The following TRPM3 variants were observed in gnomAD, a reference collection of about 807,000 sequenced individuals.
TRPM3 encodes long transient receptor potential channel 3.
In TRPM3, 77 loss-of-function variants were observed where a neutral mutation model predicts 181.2. The observed-to-expected ratio is 0.42, with a 90% CI of 0.35 to 0.51. The LOEUF is 0.51. Ranked by LOEUF, TRPM3 falls within the 20% of genes least tolerant of loss-of-function variation. The pLI is 0.01. For missense variants in TRPM3, 1,759 were observed against 2,196.7 expected (o/e 0.80, Z 3.98); for synonymous variants, 745 against 796.4 (o/e 0.94, Z 1.09).
intron 1 of TRPM3, among the ~76,000 whole-genome samples, chr9:71,048,680 G>T (rs1199022140): frequency 6.6e-6 from 1 of 152,122 alleles, no homozygotes; most frequent in Non-Finnish European, 1.5e-5. Flanking sequence ...TGTTTGATGT[G>T]CTGGTTAGAG....
chr9:71,092,486 TTTTC>T lies in TRPM3; in HGVS notation c.177+28688_177+28691del, dbSNP rs2066397427. On this transcript the variant is annotated intron_variant, in intron 1 of 25. Coordinates refer to ENST00000677713, the MANE Select transcript of TRPM3 (RefSeq NM_001366145.2). Reference sequence around the variant, plus strand: ...TACTAAGCATAGATTTTTTTTTAGCTTTTCTTTCTTAATACTTAATAAATTGTAA... The same window carrying T: ...TACTAAGCATAGATTTTTTTTTAGCTTTTCTTAATACTTAATAAATTGTAA... 2.0e-5 allele frequency among the ~76,000 whole-genome samples: 3 copies of T among 152,298 alleles called. No individual in the cohort carries two copies. The South Asian group carries it at 6.2e-4, about 32-fold the overall frequency.
chr9:71,416,837 T>G (rs942545608), intron 1 of TRPM3, among the ~76,000 whole-genome samples: 1 of 151,956 alleles, frequency 6.6e-6, no homozygotes, highest in African/African-American at 2.4e-5. Context: ...TCTTCCCAAT[T>G]TAAGGGGAGC....
At chr9:70,907,714 C>T (rs576085529) in intron 1 of TRPM3, among the ~76,000 whole-genome samples, 1 of 152,158 alleles carries the variant, frequency 6.6e-6, no homozygotes, top group Non-Finnish European at 1.5e-5. Context: ...CTTTATCCCC[C>T]CTTTTCAGGA....
chr9:70,810,331 C>G (rs2091765187), intron 6 of TRPM3, among the ~76,000 whole-genome samples: 1 of 150,092 alleles, frequency 6.7e-6, no homozygotes, highest in Non-Finnish European at 1.5e-5. Flanking sequence ...CAACCCCACC[C>G]TCCTCTCCAT....
chr9:71,078,536 T>C (rs1477928311), intron 1 of TRPM3, among the ~76,000 whole-genome samples: 1 of 152,194 alleles, frequency 6.6e-6, no homozygotes, highest in Non-Finnish European at 1.5e-5. Context: ...ATGGCCTGTA[T>C]TACTTCTTCA....
intron 22 of TRPM3, among the ~76,000 whole-genome samples, chr9:70,573,063 G>A (rs1415738016): frequency 1.3e-5 from 2 of 152,054 alleles, no homozygotes; most frequent in African/African-American, 4.8e-5. Context: ...TTAAATAAAC[G>A]AGAAATTAAA....
chr9:70,673,763 C>G (rs2063425701), intron 9 of TRPM3, among the ~76,000 whole-genome samples: 1 of 151,788 alleles, frequency 6.6e-6, no homozygotes, highest in Non-Finnish European at 1.5e-5. Context: ...CCCATCTCTA[C>G]TGAAAATACA....
intron 1 of TRPM3, among the ~76,000 whole-genome samples, chr9:71,198,282 G>T (rs1436391721): frequency 6.6e-6 from 1 of 151,996 alleles, no homozygotes; most frequent in African/African-American, 2.4e-5. Flanking sequence ...TAGCCTTGTA[G>T]TATAGTTTGA....
intron 1 of TRPM3, among the ~76,000 whole-genome samples, chr9:70,979,046 G>A (rs2097336080): frequency 6.6e-6 from 1 of 152,164 alleles, no homozygotes. Flanking sequence ...TCTAGGGCAG[G>A]AACTAATTTT....
intron 7 of TRPM3, among the ~76,000 whole-genome samples, chr9:70,779,001 T>C (rs1434150809): frequency 6.6e-6 from 1 of 152,182 alleles, no homozygotes; most frequent in Non-Finnish European, 1.5e-5. Context: ...TATAGTTACA[T>C]AATTTGAAGC....
At chr9:71,322,244 A>C (rs912593164) in intron 1 of TRPM3, among the ~76,000 whole-genome samples, 2 of 152,106 alleles carry the variant, frequency 1.3e-5, no homozygotes, top group African/African-American at 4.8e-5. Context: ...TTAACTCCCT[A>C]AAGATTTTAG....
intron 1 of TRPM3, among the ~76,000 whole-genome samples, chr9:71,401,982 T>C (rs765510858): frequency 6.6e-6 from 1 of 152,202 alleles, no homozygotes; most frequent in Non-Finnish European, 1.5e-5. Context: ...GCATACCATG[T>C]ATTATCAGTG....
chr9:70,803,380 TTA>T (rs2089777844), intron 6 of TRPM3, among the ~76,000 whole-genome samples: 1 of 152,016 alleles, frequency 6.6e-6, no homozygotes, highest in Non-Finnish European at 1.5e-5. Context: ...ATAAATATTT[TTA>T]TGATACAATT....
intron 1 of TRPM3, among the ~76,000 whole-genome samples, chr9:70,923,891 T>A (rs1049432570): frequency 4.8e-5 from 7 of 144,584 alleles, no homozygotes; most frequent in Non-Finnish European, 1.1e-4. Flanking sequence ...CACACACACA[T>A]ATATACATAC....
intron 22 of TRPM3, among the ~76,000 whole-genome samples, chr9:70,567,206 G>C (rs17055312): frequency 6.6e-6 from 1 of 152,108 alleles, no homozygotes; most frequent in Non-Finnish European, 1.5e-5. Context: ...TATAGCCAGA[G>C]GTTAACCTGA....
intron 1 of TRPM3, among the ~76,000 whole-genome samples, chr9:70,960,087 T>C (rs185871657): frequency 6.6e-6 from 1 of 152,152 alleles, no homozygotes; most frequent in East Asian, 1.9e-4. Flanking sequence ...AATCTCTTAG[T>C]CCATTGCAAG....
chr9:70,977,756 T>C (rs1484778973), intron 1 of TRPM3, among the ~76,000 whole-genome samples: 1 of 152,088 alleles, frequency 6.6e-6, no homozygotes, highest in African/African-American at 2.4e-5. Context: ...GCACCTTACT[T>C]CTTATTGCTG....
intron 8 of TRPM3, among the ~76,000 whole-genome samples, chr9:70,752,421 T>A (rs2076355775): frequency 6.6e-6 from 1 of 152,200 alleles, no homozygotes; most frequent in Non-Finnish European, 1.5e-5. Context: ...GTTACAGGTT[T>A]AATGTTGAAG....
intron 1 of TRPM3, among the ~76,000 whole-genome samples, chr9:71,079,619 A>G (rs1796985533): frequency 6.6e-6 from 1 of 152,180 alleles, no homozygotes; most frequent in South Asian, 2.1e-4. Flanking sequence ...ATAGTTCTTT[A>G]TTAATAATGC....
Sources: gnomAD v4.1 joint callset for allele counts (sites outside exome capture counted in the v4.1 genomes callset) on GRCh38, gnomAD v4.1.1 for gene constraint, MANE v1.5 for transcripts, NCBI Gene and HGNC (gene_info 2026-07-23, HGNC 2026-07-21) for gene names.